Variants in NHERF2 observed in about 807,000 individuals in gnomAD.
NHERF2 encodes the protein NHERF family PDZ scaffold protein 2.
At chr16:2,036,754 G>C in the NHERF2 span, 1 of 1,613,218 alleles carries the variant, frequency 6.2e-7, no homozygotes, top group Non-Finnish European at 8.5e-7. Context: ...TGGAGGGACT[G>C]CGCCATGCTG....
chr16:2,032,422 G>A, the NHERF2 span, among the ~76,000 whole-genome samples: 2 of 152,258 alleles, frequency 1.3e-5, no homozygotes, highest in East Asian at 1.9e-4. The surrounding 1 kb of genome is among the most constrained non-coding windows in gnomAD (Gnocchi z 4.0). Context: ...TTCTCAGCCT[G>A]GGTTCAGGGC....
chr16:2,031,514 A>T, the NHERF2 span, among the ~76,000 whole-genome samples: 1 of 152,066 alleles, frequency 6.6e-6, no homozygotes, highest in Non-Finnish European at 1.5e-5. Flanking sequence ...TGGCCCAGGC[A>T]CCTTGCCTTG....
chr16:2,036,337 C>T, the NHERF2 span: 10 of 1,609,040 alleles, frequency 6.2e-6, no homozygotes, highest in African/African-American at 1.3e-4. Flanking sequence ...GTCAGTGGGC[C>T]CCTGAGGGAG....
chr16:2,035,016 A>G, the NHERF2 span, among the ~76,000 whole-genome samples: 2 of 152,238 alleles, frequency 1.3e-5, no homozygotes, highest in East Asian at 3.9e-4. Context: ...CATGTGGCCC[A>G]GCTGAGCCCC....
chr16:2,028,743 C>T, the NHERF2 span, among the ~76,000 whole-genome samples: 1 of 152,146 alleles, frequency 6.6e-6, no homozygotes, highest in African/African-American at 2.4e-5. Flanking sequence ...GTCCACCCTC[C>T]CCCAGGCCGC....
the NHERF2 span, chr16:2,036,613 C>G: frequency 1.3e-6 from 2 of 1,531,162 alleles, no homozygotes; most frequent in African/African-American, 2.7e-5. Flanking sequence ...GCTGGTGCGC[C>G]TCCTGCTGCC....
At chr16:2,031,848 C>T in the NHERF2 span, among the ~76,000 whole-genome samples, 5 of 152,216 alleles carry the variant, frequency 3.3e-5, no homozygotes, top group Admixed American at 2.0e-4. Context: ...CGCACCACCA[C>T]ACCTGACTAA....
chr16:2,031,188 C>G, the NHERF2 span, among the ~76,000 whole-genome samples: 1 of 152,222 alleles, frequency 6.6e-6, no homozygotes, highest in African/African-American at 2.4e-5. Flanking sequence ...GGAGCCCAGC[C>G]TGGGCGCAGG....
the NHERF2 span, chr16:2,036,327 G>A: frequency 8.2e-5 from 132 of 1,606,716 alleles, no homozygotes; most frequent in East Asian, 1.4e-3. Context: ...CCTGCAGGAT[G>A]TCAGTGGGCC....
chr16:2,033,746 G>T, the NHERF2 span, among the ~76,000 whole-genome samples: 1 of 152,132 alleles, frequency 6.6e-6, no homozygotes, highest in African/African-American at 2.4e-5. Context: ...CAGGAAGTGT[G>T]TGCTGAGCCA....
the NHERF2 span, chr16:2,036,983 A>G: frequency 6.4e-7 from 1 of 1,551,664 alleles, no homozygotes; most frequent in East Asian, 2.4e-5. Flanking sequence ...TCACCAATGG[A>G]ACCAGCCCTG....
At chr16:2,036,285 G>A in the NHERF2 span, 1 of 1,558,224 alleles carries the variant, frequency 6.4e-7, no homozygotes, top group Non-Finnish European at 8.7e-7. Context: ...GAGGCGGGAG[G>A]CTGGAGCAAG....
chr16:2,038,277 G>C, the NHERF2 span: 2 of 545,284 alleles, frequency 3.7e-6, no homozygotes, highest in South Asian at 3.7e-5. Context: ...GCGAGCGCGC[G>C]GCAGCCGCGG....
At chr16:2,035,031 G>A in the NHERF2 span, among the ~76,000 whole-genome samples, 1 of 152,140 alleles carries the variant, frequency 6.6e-6, no homozygotes, top group African/African-American at 2.4e-5. Context: ...AGCCCCTGTG[G>A]GGCCAGGGAG....
chr16:2,033,648 G>A, the NHERF2 span, among the ~76,000 whole-genome samples: 2 of 152,218 alleles, frequency 1.3e-5, no homozygotes, highest in African/African-American at 4.8e-5. Context: ...GCATGGCTGG[G>A]GGACCAGGGA....
chr16:2,036,483 G>T, the NHERF2 span: 6 of 1,594,608 alleles, frequency 3.8e-6, no homozygotes, highest in Admixed American at 1.7e-5. Flanking sequence ...TGGCCTCCGC[G>T]CCCAGGACCG....
At chr16:2,036,036 T>C in the NHERF2 span, 5 of 439,654 alleles carry the variant, frequency 1.1e-5, no homozygotes, top group Non-Finnish European at 2.0e-5. Context: ...CCTCCCACCC[T>C]GCCTGTGCGC....
At chr16:2,027,006 A>G in the NHERF2 span, 2 of 1,151,290 alleles carry the variant, frequency 1.7e-6, no homozygotes, top group Non-Finnish European at 2.1e-6. Context: ...AGCGGGCGCC[A>G]TGGCCGCGCC....
At chr16:2,026,935 G>T in the NHERF2 span, 6 of 564,800 alleles carry the variant, frequency 1.1e-5, no homozygotes, top group South Asian at 7.2e-5. Context: ...ACCGCCGGGT[G>T]CCCAGCGCCG....
Sources: allele counts gnomAD v4.1 joint callset (sites outside exome capture counted in the v4.1 genomes callset), GRCh38; gene constraint gnomAD v4.1.1; non-coding constraint Gnocchi (gnomAD v3.1); transcripts MANE v1.5; gene names NCBI Gene and HGNC (gene_info 2026-07-23, HGNC 2026-07-21).